Variants in SUGCT observed in about 807,000 individuals in gnomAD.
SUGCT encodes the protein succinyl-CoA:glutarate-CoA transferase.
In SUGCT, 41 loss-of-function variants were observed where a neutral mutation model predicts 55.0. The observed-to-expected ratio is 0.74, with a 90% confidence interval of 0.58 to 0.97. SUGCT has a LOEUF of 0.97. Ranked by LOEUF, SUGCT falls within the 50% of genes least tolerant of loss-of-function variation. The probability of loss-of-function intolerance (pLI) is 0.00; values close to 1 mark genes in which losing one functional copy is unlikely to be tolerated. For synonymous variants in SUGCT, 187 were observed against 200.4 expected (o/e 0.93, Z 0.56); for missense variants, 568 against 547.8 (o/e 1.04, Z -0.37).
chr7:40,172,352 G>A (rs1784717036), intron 1 of SUGCT, among the ~76,000 whole-genome samples: 5 of 152,074 alleles, frequency 3.3e-5, no homozygotes, highest in Admixed American at 3.3e-4. Flanking sequence ...CCACATAACT[G>A]CCCATGTCAA....
intron 12 of SUGCT, among the ~76,000 whole-genome samples, chr7:40,574,189 C>T (rs1796600300): frequency 6.6e-6 from 1 of 152,094 alleles, no homozygotes; most frequent in African/African-American, 2.4e-5. Flanking sequence ...GGCAGCTGCT[C>T]CTCTCTCTAC....
At chr7:40,377,244 T>TTTA (rs1784647414) in intron 9 of SUGCT, among the ~76,000 whole-genome samples, 1 of 17,908 alleles carries the variant, frequency 5.6e-5, no homozygotes, top group African/African-American at 1.6e-4. Flanking sequence ...CCTTCCTTCC[T>TTTA]TCCTTCTTTC....
the SUGCT span, among the ~76,000 whole-genome samples, chr7:40,943,283 A>G: frequency 0.013 from 1,872 of 149,700 alleles, 31 homozygotes; most frequent in African/African-American, 0.044. Flanking sequence ...TATTATTATT[A>G]TTATTTATTA....
At chr7:40,135,218 G>T in intron 1 of SUGCT, 98 bp downstream of exon 1, 4 of 1,353,166 alleles carry the variant, frequency 3.0e-6, no homozygotes, top group Non-Finnish European at 2.9e-6. Context: ...TGAAGTCTCT[G>T]CTGACCCCTT....
At chr7:40,341,428 G>T (rs2151177518) in intron 9 of SUGCT, among the ~76,000 whole-genome samples, 1 of 152,270 alleles carries the variant, frequency 6.6e-6, no homozygotes, top group Middle Eastern at 3.4e-3. Flanking sequence ...AAAAAAAAGT[G>T]TAGAATGTAT....
chr7:40,846,575 T>C (rs1056613371), intron 13 of SUGCT, among the ~76,000 whole-genome samples: 4 of 152,212 alleles, frequency 2.6e-5, no homozygotes, highest in Non-Finnish European at 2.9e-5. Flanking sequence ...TGGAACAAGA[T>C]AGATAAATCA....
the SUGCT span, among the ~76,000 whole-genome samples, chr7:40,962,545 C>T: frequency 0.33 from 48,777 of 147,794 alleles, 8,765 homozygotes; most frequent in Admixed American, 0.45. Context: ...CCCTACTATA[C>T]GAATTCCTTC....
the SUGCT span, among the ~76,000 whole-genome samples, chr7:40,980,324 G>C: frequency 6.6e-6 from 1 of 152,008 alleles, no homozygotes; most frequent in Non-Finnish European, 1.5e-5. Flanking sequence ...ATAAATATTG[G>C]GGGGGACACA....
At chr7:40,618,842 TTC>T (rs1799132000) in intron 12 of SUGCT, among the ~76,000 whole-genome samples, 1 of 152,204 alleles carries the variant, frequency 6.6e-6, no homozygotes, top group Admixed American at 6.5e-5. Context: ...AATCTGATTT[TTC>T]TGTTTCTAAA....
chr7:40,898,407 C>T, the SUGCT span, among the ~76,000 whole-genome samples: 1 of 142,920 alleles, frequency 7.0e-6, no homozygotes, highest in East Asian at 2.1e-4. Context: ...ACTCCGGACA[C>T]ATCATCTTTA....
At chr7:40,634,205 CA>C (rs1799920831) in intron 12 of SUGCT, among the ~76,000 whole-genome samples, 1 of 152,128 alleles carries the variant, frequency 6.6e-6, no homozygotes, top group African/African-American at 2.4e-5. Context: ...TTCTGCTGAA[CA>C]AAAACACAGT....
At chr7:40,249,716 G>T (rs553631437) in intron 7 of SUGCT, among the ~76,000 whole-genome samples, 1 of 151,940 alleles carries the variant, frequency 6.6e-6, no homozygotes, top group African/African-American at 2.4e-5. Flanking sequence ...CTTTGATTAC[G>T]GTCAGAGTTA....
At chr7:40,910,018 G>A in the SUGCT span, among the ~76,000 whole-genome samples, 4 of 152,202 alleles carry the variant, frequency 2.6e-5, no homozygotes, top group South Asian at 8.3e-4. Context: ...GTGGCAACAG[G>A]GAGAACATCC....
chr7:40,906,404 A>C, the SUGCT span, among the ~76,000 whole-genome samples: 3 of 152,198 alleles, frequency 2.0e-5, no homozygotes, highest in African/African-American at 7.2e-5. Context: ...ATGGATCCCA[A>C]ACTAAAATAA....
chr7:40,849,098 T>C (rs760953626), intron 13 of SUGCT, among the ~76,000 whole-genome samples: 2 of 152,206 alleles, frequency 1.3e-5, no homozygotes, highest in Non-Finnish European at 2.9e-5. Flanking sequence ...ATCTACAGCA[T>C]GTATCTTAGC....
At chr7:40,895,695 A>G in the SUGCT span, among the ~76,000 whole-genome samples, 1 of 152,170 alleles carries the variant, frequency 6.6e-6, no homozygotes, top group Non-Finnish European at 1.5e-5. Context: ...AAATCGAAAT[A>G]CAAAAAGCAA....
At chr7:40,858,242 A>G (rs1794289595) in intron 13 of SUGCT, among the ~76,000 whole-genome samples, 1 of 151,972 alleles carries the variant, frequency 6.6e-6, no homozygotes, top group African/African-American at 2.4e-5. Flanking sequence ...CGTCTCTACT[A>G]AAAATACAAA....
rs1025114531 is a variant in SUGCT at position 40,224,405 on chromosome 7, T to C, written c.485-13230T>C. On this transcript the variant is annotated intron_variant, in intron 6 of 13. Transcript: ENST00000335693. ...GGATTTAGGATAATCTGTGCGTGTG[T>C]GTGTGTGTGTGTGTGTGTGTGTGTG... is the stretch of plus-strand genomic sequence containing the variant. Among the ~76,000 whole-genome samples the C allele has an allele frequency of 3.5e-3, 492 of 140,046 alleles. 1 individual carries two copies. Among genetic ancestry groups the C allele is most frequent in the African/African-American group, 0.013 (437 of 33,582 alleles). 91.9% of individuals were successfully genotyped at this position (140,046 alleles called of 152,430 possible). A position where few individuals can be genotyped will look rare whatever the true frequency, so the allele number is the denominator to read the frequency against.
chr7:40,668,677 G>A (rs898025105), intron 12 of SUGCT, among the ~76,000 whole-genome samples: 2 of 152,108 alleles, frequency 1.3e-5, no homozygotes, highest in Non-Finnish European at 1.5e-5. Flanking sequence ...AGTTCTTTTG[G>A]ACTTATATAT....
Sources: gnomAD v4.1 joint callset for allele counts (sites outside exome capture counted in the v4.1 genomes callset) on GRCh38, gnomAD v4.1.1 for gene constraint, MANE v1.5 for transcripts, NCBI Gene and HGNC (gene_info 2026-07-23, HGNC 2026-07-21) for gene names.